Variants in DDB1 observed in about 807,000 individuals in gnomAD.
The protein encoded by DDB1 is damage specific DNA binding protein 1.
A neutral mutation model predicts 133.1 loss-of-function variants in DDB1; 18 were observed. The observed-to-expected ratio is 0.14, with a 90% CI of 0.09 to 0.20. The LOEUF (loss-of-function observed/expected upper bound fraction) is 0.20. DDB1 is among the 10% of genes least tolerant of loss of function. The pLI is 1.00. For missense variants in DDB1, 828 were observed against 1,459.2 expected (o/e 0.57, Z 7.05); for synonymous variants, 580 against 550.5 (o/e 1.05, Z -0.75).
rs771576245 is a variant in DDB1 at position 61,309,087 on chromosome 11, G to A, written c.2567-10C>T. On this transcript the variant is annotated splice_polypyrimidine_tract_variant and intron_variant, in intron 20 of 26. Transcript: ENST00000301764. The stretch of plus-strand genomic sequence containing the variant: ...ACAGTCTGTAGTTTTCCTGGGGGTG[G>A]AAAAAATATGTTTGAGTCTCTATGA... 13 of 1,612,924 alleles carry A rather than the reference G, an allele frequency of 8.1e-6. No homozygotes were observed. The highest frequency in any genetic ancestry group is 1.1e-5 in the Non-Finnish European group (13 of 1,179,150).
In DDB1 at chr11:61,312,079, G is replaced by T. The variant is rs1383104884; in HGVS notation, c.2075C>A (p.Ala692Glu). The stretch of plus-strand genomic sequence containing the variant: ...GGTGAGGGTGCTATTGTTGGCCAGC[G>T]CCAGGCTGGAAAGAAGGGTCTGGGT... ...LNSDGYPDSL[A>E]LANNSTLTIG... Residue 692 changes from alanine (A) to glutamate (E), a missense_variant, in exon 17 of 27, where the codon GCG becomes GAG. Physicochemically the swap from Ala to Glu is moderately radical, Grantham distance 107 (BLOSUM62 -1). Around this residue, in one of 7 missense-constraint regions of DDB1, gnomAD observed 396 missense variants for 554.1 expected, o/e 0.71. Transcript: ENST00000301764. 1 of 1,614,144 alleles carries T rather than the reference G, an allele frequency of 6.2e-7. No homozygotes were observed. Among genetic ancestry groups the T allele is most frequent in the African/African-American group, 1.3e-5 (1 of 75,032 alleles).
chr11:61,306,113 T>C (rs916717327), intron 21 of DDB1, among the ~76,000 whole-genome samples: 5 of 151,862 alleles, frequency 3.3e-5, no homozygotes, highest in Non-Finnish European at 7.4e-5. Context: ...AGAACAGATA[T>C]GTCCTCACCT....
intron 22 of DDB1, among the ~76,000 whole-genome samples, 153 bp downstream of exon 22, chr11:61,303,712 A>C (rs1402429366): frequency 6.6e-6 from 1 of 151,578 alleles, no homozygotes; most frequent in South Asian, 2.1e-4. Flanking sequence ...AAAAAAAAAA[A>C]AAAAAAAAAA....
chr11:61,326,733 T>C (rs772582181), intron 5 of DDB1, 46 bp downstream of exon 5: 1 of 1,495,556 alleles, frequency 6.7e-7, no homozygotes, highest in African/African-American at 1.4e-5. Flanking sequence ...AACAGGGAAC[T>C]AGCCTAGACC....
intron 7 of DDB1, chr11:61,323,763 T>C (rs1856223759): frequency 3.7e-6 from 2 of 545,802 alleles, no homozygotes; most frequent in Non-Finnish European, 6.6e-6. Flanking sequence ...CCCTTTCTTT[T>C]CCTTTTCTCA....
intron 21 of DDB1, among the ~76,000 whole-genome samples, chr11:61,306,273 G>A (rs1353237734): frequency 6.6e-6 from 1 of 152,150 alleles, no homozygotes; most frequent in Non-Finnish European, 1.5e-5. Context: ...TAAGGGCCTT[G>A]TGGCCCTCTT....
chr11:61,313,986 C>T lies in DDB1; in HGVS notation c.1754-17G>A, dbSNP rs1344553108. 1 of 1,614,162 alleles carries T rather than the reference C, an allele frequency of 6.2e-7. No individual in the cohort carries two copies. The highest frequency in any genetic ancestry group is 8.5e-7 in the Non-Finnish European group (1 of 1,180,022). ...GAATGATCTCTGTGAGAAAGGGGGA[C>T]ATTATGTTCTTGTTCCACATTTTGA... On this transcript the variant is annotated splice_polypyrimidine_tract_variant and intron_variant, in intron 14 of 26. Transcript: ENST00000301764.
chr11:61,321,462 G>C, intron 10 of DDB1, 133 bp downstream of exon 10: 1 of 432,376 alleles, frequency 2.3e-6, no homozygotes, highest in Non-Finnish European at 4.2e-6. Flanking sequence ...TTAAGCTTCT[G>C]ATCTGTTGTT....
Position 61,325,610 on chromosome 11 carries a change from C to G in DDB1, c.762+1G>C. 1 of 1,613,454 alleles carries G rather than the reference C, an allele frequency of 6.2e-7. No individual in the cohort carries two copies. The highest frequency in any genetic ancestry group is 8.5e-7 in the Non-Finnish European group (1 of 1,179,696). ...GGAAAAAAAGGTAGGACTGCGCTCA[C>G]CTTGATGATAGGAGGGGCAATAGCC... On this transcript the variant is annotated splice_donor_variant, in intron 6 of 26. Transcript: ENST00000301764. LOFTEE classifies it high-confidence loss of function.
intron 6 of DDB1, chr11:61,324,343 G>A: frequency 1.8e-6 from 1 of 541,234 alleles, no homozygotes; most frequent in East Asian, 3.2e-5. Context: ...ATTTTCTGAG[G>A]CGCTCCATCA....
chr11:61,323,945 A>G, intron 7 of DDB1, 34 bp downstream of exon 7: 1 of 1,612,934 alleles, frequency 6.2e-7, no homozygotes, highest in Non-Finnish European at 8.5e-7. Context: ...AACCTAAAAG[A>G]ACATTGTAGA....
chr11:61,320,232 A>C (rs1856157739), intron 10 of DDB1, among the ~76,000 whole-genome samples: 3 of 149,334 alleles, frequency 2.0e-5, no homozygotes, highest in South Asian at 2.1e-4. Context: ...ATGGAGTCTC[A>C]CTATGTGGCC....
intron 1 of DDB1, 92 bp from the exon 2 acceptor site, chr11:61,331,783 G>A (rs909091887): frequency 6.5e-7 from 1 of 1,535,774 alleles, no homozygotes; most frequent in African/African-American, 1.4e-5. Flanking sequence ...AATACCTCCA[G>A]AATTCTCATT....
At chr11:61,327,056 T>C in intron 4 of DDB1, 163 bp from the exon 5 acceptor site, 1 of 618,440 alleles carries the variant, frequency 1.6e-6, no homozygotes, top group Non-Finnish European at 2.9e-6. Flanking sequence ...TAGCTGAGCC[T>C]GGGATGAATT....
intron 5 of DDB1, 121 bp from the exon 6 acceptor site, chr11:61,325,829 G>C (rs567566121): frequency 2.6e-6 from 2 of 766,226 alleles, no homozygotes; most frequent in Non-Finnish European, 4.6e-6. Flanking sequence ...ATTTTAAAAA[G>C]GACATCAAAG....
intron 25 of DDB1, chr11:61,301,815 T>G (rs547309015): frequency 1.2e-5 from 2 of 164,444 alleles, no homozygotes; most frequent in Admixed American, 1.2e-4. Flanking sequence ...GCACTTGGAT[T>G]CTGGGGGTCC....
chr11:61,317,744 G>C (rs766949863), intron 10 of DDB1, among the ~76,000 whole-genome samples: 47 of 152,152 alleles, frequency 3.1e-4, no homozygotes, highest in Non-Finnish European at 3.2e-4. Context: ...CTGACCTCAT[G>C]ATCTGCCCAC....
chr11:61,318,569 G>C (rs142935251), intron 10 of DDB1, among the ~76,000 whole-genome samples: 1 of 152,052 alleles, frequency 6.6e-6, no homozygotes, highest in African/African-American at 2.4e-5. Flanking sequence ...AAAATTTAGT[G>C]ATCTTTCTAT....
At chr11:61,309,538 C>A (rs1003929281) in intron 20 of DDB1, among the ~76,000 whole-genome samples, 5 of 152,190 alleles carry the variant, frequency 3.3e-5, no homozygotes, top group African/African-American at 1.2e-4. Flanking sequence ...TTCCCTTACC[C>A]ATCGTTCACT....
Sources: allele counts gnomAD v4.1 joint callset (sites outside exome capture counted in the v4.1 genomes callset), GRCh38; gene constraint gnomAD v4.1.1; regional missense constraint gnomAD v4.1.1; transcripts MANE v1.5; gene names NCBI Gene and HGNC (gene_info 2026-07-23, HGNC 2026-07-21).